BDH1: variants seen among roughly 807,000 people sequenced by gnomAD.
BDH1 encodes the protein D-beta-hydroxybutyrate dehydrogenase, mitochondrial.
In BDH1, 30 loss-of-function variants were observed where a neutral mutation model predicts 33.1. The ratio of observed to expected loss-of-function variants is 0.91; its 90% CI spans 0.68 to 1.23. The LOEUF is 1.23. Ranked by LOEUF, BDH1 falls within the 50% of genes most tolerant of loss-of-function variation. BDH1 has a pLI of 0.00. For synonymous variants in BDH1, 190 were observed against 183.6 expected (o/e 1.03, Z -0.28); for missense variants, 443 against 464.4 (o/e 0.95, Z 0.42).
intron 6 of BDH1, among the ~76,000 whole-genome samples, chr3:197,517,117 T>C (rs1712817442): frequency 6.6e-6 from 1 of 151,982 alleles, no homozygotes; most frequent in Non-Finnish European, 1.5e-5. Context: ...GCTGCCTGTC[T>C]CCTGGGCTGC....
rs191967584 is a variant in BDH1, at chr3:197,535,317, C to T, written c.84-1756G>A. Among the ~76,000 whole-genome samples, 7 of 152,306 alleles carry T rather than the reference C, an allele frequency of 4.6e-5. No individual in the cohort carries two copies. In the East Asian group the frequency reaches 5.8e-4, roughly 13 times the overall value. On this transcript the variant is annotated intron_variant, in intron 3 of 7. Transcript: ENST00000392379. The stretch of plus-strand genomic sequence containing the variant: ...TTCTTCAGATGTCCTAGCTGCTAGT[C>T]CTTGGTTACATATGTGGTAGGCAAA...
chr3:197,522,691 C>G lies in BDH1; in HGVS notation c.358G>C (p.Val120Leu). The change falls in exon 6 of 8, where the codon GTG (valine) becomes CTG (leucine). Residue 120 changes from valine (V) to leucine (L), a missense_variant. Transcript: ENST00000392379. The surrounding 1 kb of genome is among the most constrained non-coding windows in gnomAD (Gnocchi z 4.8). ...VQLNVCSSEEVEKVVEIVRSS... is the reference protein window; with the variant it reads ...VQLNVCSSEELEKVVEIVRSS... ...CGGACAATCTCCACCACTTTCTCCA[C>G]CTCTTCGCTGCTGCAGACATTGAGC... The G allele has an allele frequency of 6.2e-7, 1 of 1,614,206 alleles. No individual in the cohort carries two copies. Among genetic ancestry groups the G allele is most frequent in the African/African-American group, 1.3e-5 (1 of 75,052 alleles).
At chr3:197,524,300 C>T (rs1219126283) in intron 5 of BDH1, among the ~76,000 whole-genome samples, 1 of 152,224 alleles carries the variant, frequency 6.6e-6, no homozygotes, top group Non-Finnish European at 1.5e-5. Flanking sequence ...TTGCCCATGG[C>T]ACACACAGCT....
At chr3:197,512,627 A>G (rs1712197202) in intron 7 of BDH1, among the ~76,000 whole-genome samples, 1 of 152,216 alleles carries the variant, frequency 6.6e-6, no homozygotes, top group African/African-American at 2.4e-5. Context: ...GCAACACGCA[A>G]CTGACTCAAA....
upstream of BDH1, among the ~76,000 whole-genome samples, chr3:197,557,265 T>C (rs183134769): frequency 1.3e-3 from 203 of 152,344 alleles, 1 homozygote; most frequent in African/African-American, 4.5e-3. The surrounding 1 kb of genome is among the most constrained non-coding windows in gnomAD (Gnocchi z 4.6). Flanking sequence ...GCCATTTCAC[T>C]TGCGTGCATT....
chr3:197,552,517 T>C (rs1210920430), intron 2 of BDH1, among the ~76,000 whole-genome samples: 1 of 152,246 alleles, frequency 6.6e-6, no homozygotes, highest in African/African-American at 2.4e-5. Context: ...CATTCCTACC[T>C]GGTTCACTGC....
intron 1 of BDH1, among the ~76,000 whole-genome samples, chr3:197,564,564 A>G (rs1366348567): frequency 6.6e-6 from 1 of 152,224 alleles, no homozygotes; most frequent in Non-Finnish European, 1.5e-5. Flanking sequence ...GTCTCGGTAG[A>G]AAATGCCAAT....
chr3:197,533,369 T>A, intron 4 of BDH1, 120 bp downstream of exon 4: 5 of 992,638 alleles, frequency 5.0e-6, no homozygotes, highest in South Asian at 4.3e-5. Context: ...AGTGAGAAAG[T>A]GGCTCCCAGT....
intron 5 of BDH1, among the ~76,000 whole-genome samples, chr3:197,524,704 T>G: frequency 7.0e-6 from 1 of 143,010 alleles, no homozygotes; most frequent in Non-Finnish European, 1.5e-5. Context: ...AGGCAATGAG[T>G]TGGGGTGGGG....
At chr3:197,544,109 G>A (rs899722875) in intron 3 of BDH1, among the ~76,000 whole-genome samples, 2 of 152,168 alleles carry the variant, frequency 1.3e-5, no homozygotes, top group Admixed American at 6.5e-5. Flanking sequence ...TGAGACTCAA[G>A]CAAAATGATC....
At chr3:197,515,438 C>A in intron 6 of BDH1, 1 of 985,782 alleles carries the variant, frequency 1.0e-6, no homozygotes, top group Non-Finnish European at 1.2e-6. Flanking sequence ...GCAGACGCGC[C>A]CTGAGTCTTC....
intron 2 of BDH1, among the ~76,000 whole-genome samples, chr3:197,553,236 T>C (rs960928113): frequency 2.0e-5 from 3 of 149,470 alleles, no homozygotes; most frequent in Non-Finnish European, 4.5e-5. Flanking sequence ...ATTAAATGAA[T>C]TAAGAGAGTT....
At chr3:197,558,039 GA>G (rs917769590), upstream of BDH1, among the ~76,000 whole-genome samples, 16 of 152,282 alleles carry the variant, frequency 1.1e-4, no homozygotes, top group Non-Finnish European at 2.1e-4. Context: ...TACCCCAAGG[GA>G]AAAAACATAG....
chr3:197,527,136 T>A (rs906704153), intron 5 of BDH1, among the ~76,000 whole-genome samples: 1 of 152,256 alleles, frequency 6.6e-6, no homozygotes, highest in Non-Finnish European at 1.5e-5. Context: ...ACACATGTTA[T>A]ACGTCAGCAT....
intron 1 of BDH1, among the ~76,000 whole-genome samples, chr3:197,564,500 A>T (rs1717370046): frequency 6.6e-6 from 1 of 152,158 alleles, no homozygotes. Flanking sequence ...TGTAAAAAAG[A>T]TACCAAGTCC....
At chr3:197,537,677 G>A (rs572126665) in intron 3 of BDH1, among the ~76,000 whole-genome samples, 7 of 152,266 alleles carry the variant, frequency 4.6e-5, no homozygotes, top group African/African-American at 1.7e-4. Context: ...TCAAGTTCAG[G>A]AAAATCCCCC....
intron 2 of BDH1, among the ~76,000 whole-genome samples, chr3:197,553,556 TAAG>T (rs1053877654): frequency 6.7e-6 from 1 of 150,074 alleles, no homozygotes; most frequent in Non-Finnish European, 1.5e-5. Flanking sequence ...AGAAGAGTTT[TAAG>T]AAGAGGAGTG....
intron 2 of BDH1, 56 bp from the exon 3 acceptor site, chr3:197,546,542 G>T (rs114349310): frequency 3.3e-6 from 4 of 1,202,392 alleles, no homozygotes; most frequent in Non-Finnish European, 4.9e-6. Flanking sequence ...CTTTAATCAG[G>T]AGCAGTCATG....
chr3:197,533,240 T>C (rs13088545), intron 4 of BDH1, among the ~76,000 whole-genome samples: 24,589 of 150,984 alleles, frequency 0.16, 2,440 homozygotes, highest in African/African-American at 0.27. Context: ...GCCCCCCACC[T>C]AGGCCTCCAG....
Sources: gnomAD v4.1 joint callset for allele counts (sites outside exome capture counted in the v4.1 genomes callset) on GRCh38, gnomAD v4.1.1 for gene constraint, Gnocchi (gnomAD v3.1) non-coding constraint, MANE v1.5 for transcripts, NCBI Gene and HGNC (gene_info 2026-07-23, HGNC 2026-07-21) for gene names.